LRTM2: variants seen among roughly 807,000 people sequenced by gnomAD.
LRTM2 encodes leucine rich repeat transmembrane protein 2.
Under a neutral mutation model 28.1 loss-of-function variants are expected in LRTM2, and 18 were observed. The observed-to-expected ratio is 0.64, with a 90% CI of 0.44 to 0.95. The LOEUF is 0.95. Ranked by LOEUF, LRTM2 falls within the 40% of genes least tolerant of loss-of-function variation. LRTM2 has a pLI of 0.00. For synonymous variants in LRTM2, 250 were observed against 218.7 expected, an observed-to-expected ratio of 1.14 and a Z score of -1.26; for missense variants, 436 against 497.2, an observed-to-expected ratio of 0.88 and a Z score of 1.17.
At position 1,830,070 on chromosome 12, in the gene LRTM2, G is replaced by A. The variant is rs1864552973; in HGVS notation, c.68-865G>A. On this transcript the variant is annotated intron_variant, in intron 3 of 4. Coordinates refer to ENST00000299194, the MANE Select transcript of LRTM2 (RefSeq NM_001039029.3). The stretch of plus-strand genomic sequence containing the variant: ...GGGTCTTGGGCAAAAGATGGGACCA[G>A]GAAACGAATTCTATTCATCGGGCCA... Among the ~76,000 whole-genome samples, 3 of 152,212 alleles carry A rather than the reference G, an allele frequency of 2.0e-5. No homozygotes were observed. The South Asian group carries it at 6.2e-4, about 31-fold the overall frequency.
rs990254334 is a variant in LRTM2 at position 1,834,804 on chromosome 12, G to A, written c.*83G>A. 12 of 1,467,614 alleles carry A rather than the reference G, an allele frequency of 8.2e-6. No individual in the cohort carries two copies. The highest frequency in any genetic ancestry group is 7.3e-5 in the Admixed American group (3 of 41,184). The allele number at this position is 1,467,614 out of a possible 1,614,324, so 90.9% of individuals were successfully genotyped here. ...GCCACAGCTCCCACCTTGACCCGGC[G>A]CTGGCCACTGCCTCCCCGAGTCCAC... On this transcript the variant is annotated 3_prime_UTR_variant, in exon 5 of 5. Coordinates refer to ENST00000299194, the MANE Select transcript of LRTM2 (RefSeq NM_001039029.3). This position sits in a 1 kb window ranked among gnomAD's most constrained non-coding sequence, Gnocchi z 7.6.
chr12:1,832,406 A>G (rs1259629992), intron 4 of LRTM2, among the ~76,000 whole-genome samples: 1 of 152,248 alleles, frequency 6.6e-6, no homozygotes, highest in Admixed American at 6.5e-5. Context: ...AGTCCTCAAT[A>G]AAACGTCCAT....
In LRTM2 at chr12:1,835,526, C is replaced by T. The variant is rs989133135; in HGVS notation, c.*805C>T. The T allele has an allele frequency of 2.6e-5, 4 of 152,576 alleles. No individual in the cohort carries two copies. The highest frequency in any genetic ancestry group is 9.6e-5 in the African/African-American group (4 of 41,454). 9.5% of individuals were successfully genotyped at this position (152,576 alleles called of 1,614,324 possible). ...TTCCCCAGGGGTCTCCCTGAGACCA[C>T]AGAGCCTCTCGCGTGCTCACTGCAA... On this transcript the variant is annotated 3_prime_UTR_variant, in exon 5 of 5. Coordinates refer to ENST00000299194, the MANE Select transcript of LRTM2 (RefSeq NM_001039029.3).
intron 1 of LRTM2, among the ~76,000 whole-genome samples, chr12:1,825,446 G>A (rs975036841): frequency 6.6e-5 from 10 of 152,230 alleles, no homozygotes; most frequent in East Asian, 3.8e-4. Context: ...GTTAGGGACT[G>A]CTCTGCAGGG....
At chr12:1,830,904 T>C (rs760105341) in intron 3 of LRTM2, 31 bp from the exon 4 acceptor site, 1 of 1,556,798 alleles carries the variant, frequency 6.4e-7, no homozygotes, top group Non-Finnish European at 8.7e-7. Flanking sequence ...GTCCTATTGC[T>C]TTCTTTCCCC....
chr12:1,831,567 G>A lies in LRTM2; in HGVS notation c.658+42G>A, dbSNP rs202139748. On this transcript the variant is annotated intron_variant, in intron 4 of 4. Transcript: ENST00000299194. ...CTGCTGGGGCCCGAGGGATTGGGAC[G>A]ATCACCTCTGGCCCCACACTTTCCT... 75 of 1,510,460 alleles carry A rather than the reference G, an allele frequency of 5.0e-5. 1 individual carries two copies. The East Asian group carries it at 1.3e-3, about 26-fold the overall frequency. The allele number at this position is 1,510,460 out of a possible 1,614,324, so 93.6% of individuals were successfully genotyped here.
Position 1,828,233 on chromosome 12 carries a change from CT to C in LRTM2, c.67+19del, listed in dbSNP as rs200969453. 1.9e-3 allele frequency: 2,951 copies of C among 1,536,746 alleles called. 36 individuals are homozygous for C. The African/African-American group carries it at 0.034, about 18-fold the overall frequency. On this transcript the variant is annotated intron_variant, in intron 3 of 4. Coordinates refer to ENST00000299194, the MANE Select transcript of LRTM2 (RefSeq NM_001039029.3). This position sits in a 1 kb window ranked among gnomAD's most constrained non-coding sequence, Gnocchi z 4.2. ...AGTCTCCTGTGAGTACACCCCTGGCCTCGGAGGGGGGTGCGGGTTGGGTGGG... is the reference window on the plus strand; with the variant it reads ...AGTCTCCTGTGAGTACACCCCTGGCCCGGAGGGGGGTGCGGGTTGGGTGGG...
chr12:1,827,865 G>A (rs556626128), intron 2 of LRTM2: 7 of 374,756 alleles, frequency 1.9e-5, no homozygotes, highest in African/African-American at 2.1e-5. Context: ...CCCGACCCTC[G>A]GGCTCCTGGA....
At chr12:1,823,002 C>T (rs1462559551) in intron 1 of LRTM2, among the ~76,000 whole-genome samples, 2 of 152,182 alleles carry the variant, frequency 1.3e-5, no homozygotes, top group African/African-American at 2.4e-5. Flanking sequence ...TTCTCTCTGG[C>T]CTTCTGCAGA....
chr12:1,823,508 C>T (rs1188550168), intron 1 of LRTM2, among the ~76,000 whole-genome samples: 4 of 152,242 alleles, frequency 2.6e-5, no homozygotes, highest in African/African-American at 9.6e-5. Flanking sequence ...ACAGCCCACT[C>T]AGCTCCGCAT....
intron 3 of LRTM2, among the ~76,000 whole-genome samples, chr12:1,830,583 C>T (rs879825320): frequency 2.0e-5 from 3 of 152,162 alleles, no homozygotes; most frequent in African/African-American, 4.8e-5. Context: ...CCAAACTCCC[C>T]GGGAGATGAC....
chr12:1,821,020 G>A (rs1353749834), intron 1 of LRTM2, among the ~76,000 whole-genome samples: 1 of 152,252 alleles, frequency 6.6e-6, no homozygotes, highest in Non-Finnish European at 1.5e-5. Flanking sequence ...GGAACTCTGA[G>A]CCCACAGTGC....
At position 1,834,766 on chromosome 12, in the gene LRTM2, A is replaced by G. The variant is rs1565699786; in HGVS notation, c.*45A>G. ...CAGGTAGGAAGGGCGGGGAGAGCAC[A>G]CGGCATTGCTCAGCCACAGCTCCCA... On this transcript the variant is annotated 3_prime_UTR_variant, in exon 5 of 5. Coordinates refer to ENST00000299194, the MANE Select transcript of LRTM2 (RefSeq NM_001039029.3). This position sits in a 1 kb window ranked among gnomAD's most constrained non-coding sequence, Gnocchi z 7.6. The G allele has an allele frequency of 6.5e-7, 1 of 1,536,380 alleles. No homozygotes were observed. Among genetic ancestry groups the G allele is most frequent in the African/African-American group, 1.4e-5 (1 of 73,316 alleles).
Position 1,834,433 on chromosome 12 carries a change from G to A in LRTM2, c.825G>A (p.Glu275=), listed in dbSNP as rs768306678. 7.4e-6 allele frequency: 12 copies of A among 1,612,678 alleles called. No individual in the cohort carries two copies. The South Asian group carries it at 1.2e-4, about 16-fold the overall frequency. Residue 275 remains glutamate (E), a synonymous_variant, in exon 5 of 5, where the codon GAG becomes GAA. Transcript: ENST00000299194. The surrounding 1 kb of genome is among the most constrained non-coding windows in gnomAD (Gnocchi z 7.6). ...PGPPCTKASP[E]PAKPKPGAEP... ...CACCCTGCACCAAGGCCAGTCCAGAGCCTGCTAAGCCCAAGCCCGGGGCTG... is the reference window on the plus strand; with the variant it reads ...CACCCTGCACCAAGGCCAGTCCAGAACCTGCTAAGCCCAAGCCCGGGGCTG...
rs1051740942 is a variant in LRTM2, at chr12:1,828,361, C to A, written c.67+146C>A. On this transcript the variant is annotated intron_variant, in intron 3 of 4. Transcript: ENST00000299194. This position sits in a 1 kb window ranked among gnomAD's most constrained non-coding sequence, Gnocchi z 4.2. ...TTCCTGGGGTACCCGAGGCTATGTT[C>A]TGGGAAGCCAGGGTCACGCCCACGG... 1.9e-5 allele frequency: 13 copies of A among 699,124 alleles called. No homozygotes were observed. The African/African-American group carries it at 2.0e-4, about 11-fold the overall frequency. 43.3% of individuals were successfully genotyped at this position (699,124 alleles called of 1,614,324 possible).
rs201943054 is a variant in LRTM2 at position 1,831,185 on chromosome 12, G to A, written c.318G>A (p.Arg106=). The change falls in exon 4 of 5, where the codon CGG becomes CGA. Residue 106 remains arginine, a synonymous_variant. Coordinates refer to ENST00000299194, the MANE Select transcript of LRTM2 (RefSeq NM_001039029.3). ...RLDLSNNFLD[R]LPRSIFGDLT... Reference sequence around the variant, plus strand: ...ACCTGTCCAACAACTTCCTGGACCGGCTGCCCCGCTCCATTTTCGGGGACC... The same window carrying A: ...ACCTGTCCAACAACTTCCTGGACCGACTGCCCCGCTCCATTTTCGGGGACC... 4 of 1,613,862 alleles carry A rather than the reference G, an allele frequency of 2.5e-6. No individual in the cohort carries two copies. The highest frequency in any genetic ancestry group is 3.3e-5 in the Admixed American group (2 of 60,026).
rs1247096170 is a variant in LRTM2, at chr12:1,828,567, G to C, written c.67+352G>C. 6.6e-6 allele frequency among the ~76,000 whole-genome samples: 1 copy of C among 152,252 alleles called. No homozygotes were observed. Among genetic ancestry groups the C allele is most frequent in the East Asian group, 1.9e-4 (1 of 5,200 alleles). ...CTGAGTCTTAAACAGCCTCACTGGT[G>C]CCTGAGCTTGTCGGCCTGTGTCACA... On this transcript the variant is annotated intron_variant, in intron 3 of 4. Transcript: ENST00000299194. The surrounding 1 kb of genome is among the most constrained non-coding windows in gnomAD (Gnocchi z 4.2).
chr12:1,834,457 T>A lies in LRTM2; in HGVS notation c.849T>A (p.Ala283=). 1 of 1,611,550 alleles carries A rather than the reference T, an allele frequency of 6.2e-7. No homozygotes were observed. The highest frequency in any genetic ancestry group is 8.5e-7 in the Non-Finnish European group (1 of 1,179,806). ...SPEPAKPKPG[A]EPEPEPSTAC... Reference sequence around the variant, plus strand: ...AGCCTGCTAAGCCCAAGCCCGGGGCTGAGCCGGAGCCGGAGCCCAGCACAG... The same window carrying A: ...AGCCTGCTAAGCCCAAGCCCGGGGCAGAGCCGGAGCCGGAGCCCAGCACAG... Residue 283 remains alanine, a synonymous_variant, in exon 5 of 5, where the codon GCT becomes GCA. Transcript: ENST00000299194. This position sits in a 1 kb window ranked among gnomAD's most constrained non-coding sequence, Gnocchi z 7.6.
In LRTM2 at chr12:1,828,668, G is replaced by C. The variant is rs1413382090; in HGVS notation, c.67+453G>C. On this transcript the variant is annotated intron_variant, in intron 3 of 4. Coordinates refer to ENST00000299194, the MANE Select transcript of LRTM2 (RefSeq NM_001039029.3). This position sits in a 1 kb window ranked among gnomAD's most constrained non-coding sequence, Gnocchi z 4.2. The stretch of plus-strand genomic sequence containing the variant: ...CTCGGCCAGGAGCTGGGTCAGCTTG[G>C]AGATGTCTCTTATGCTCCTTATGCC... Among the ~76,000 whole-genome samples the C allele has an allele frequency of 5.3e-5, 8 of 152,312 alleles. No homozygotes were observed. In the South Asian group the frequency reaches 1.2e-3, roughly 24 times the overall value.
Sources: allele counts gnomAD v4.1 joint callset (sites outside exome capture counted in the v4.1 genomes callset), GRCh38; gene constraint gnomAD v4.1.1; non-coding constraint Gnocchi (gnomAD v3.1); transcripts MANE v1.5; gene names NCBI Gene and HGNC (gene_info 2026-07-23, HGNC 2026-07-21).